TMEM217B: variants seen among roughly 807,000 people sequenced by gnomAD.
TMEM217B encodes the protein putative transmembrane protein 217B.
the TMEM217B span, chr6:37,218,192 C>G: frequency 9.0e-7 from 1 of 1,116,390 alleles, no homozygotes; most frequent in Non-Finnish European, 1.1e-6. Flanking sequence ...TTTTGGGGGA[C>G]AGAGTCTTAC....
chr6:37,254,339 C>G, the TMEM217B span, among the ~76,000 whole-genome samples: 178 of 152,300 alleles, frequency 1.2e-3, no homozygotes, highest in African/African-American at 3.9e-3. Context: ...AACCTCAAAC[C>G]AATGATTTAC....
At chr6:37,231,565 C>T in the TMEM217B span, among the ~76,000 whole-genome samples, 84 of 147,772 alleles carry the variant, frequency 5.7e-4, 1 homozygote, top group African/African-American at 1.4e-3. Context: ...CCCAGCTATT[C>T]GGGAGGCTGA....
chr6:37,233,637 T>C, the TMEM217B span, among the ~76,000 whole-genome samples: 1 of 152,186 alleles, frequency 6.6e-6, no homozygotes, highest in African/African-American at 2.4e-5. Flanking sequence ...AGTTCCAACA[T>C]ATGAATTTTG....
At chr6:37,213,120 G>A in the TMEM217B span, 1 of 693,766 alleles carries the variant, frequency 1.4e-6, no homozygotes, top group African/African-American at 1.8e-5. Context: ...CAGGCAATAG[G>A]CTGGAAGTTA....
chr6:37,245,527 T>C, the TMEM217B span, among the ~76,000 whole-genome samples: 5 of 152,284 alleles, frequency 3.3e-5, no homozygotes, highest in Non-Finnish European at 5.9e-5. Flanking sequence ...CACAGGAAGG[T>C]TGGGAAAATA....
At chr6:37,227,985 G>A in the TMEM217B span, among the ~76,000 whole-genome samples, 4 of 152,062 alleles carry the variant, frequency 2.6e-5, no homozygotes, top group African/African-American at 9.7e-5. Flanking sequence ...TCCATGTTAC[G>A]GAAAGTTTCA....
At chr6:37,234,880 G>C in the TMEM217B span, among the ~76,000 whole-genome samples, 64 of 152,104 alleles carry the variant, frequency 4.2e-4, no homozygotes, top group Admixed American at 1.4e-3. Context: ...AGAAATGCTG[G>C]TTTTATTATA....
the TMEM217B span, among the ~76,000 whole-genome samples, chr6:37,229,351 T>TTG: frequency 7.3e-6 from 1 of 136,428 alleles, no homozygotes; most frequent in African/African-American, 2.8e-5. Flanking sequence ...TTTTTTTTTT[T>TTG]TTTTTTTTTG....
the TMEM217B span, among the ~76,000 whole-genome samples, chr6:37,224,857 A>T: frequency 6.6e-6 from 1 of 152,064 alleles, no homozygotes; most frequent in Non-Finnish European, 1.5e-5. Flanking sequence ...TTGGCCATAC[A>T]TATATATGTG....
At chr6:37,235,559 G>A in the TMEM217B span, among the ~76,000 whole-genome samples, 1 of 152,050 alleles carries the variant, frequency 6.6e-6, no homozygotes. Flanking sequence ...GTAGAGATGG[G>A]GTTTCACCAT....
At chr6:37,256,891 C>T in the TMEM217B span, among the ~76,000 whole-genome samples, 1 of 152,098 alleles carries the variant, frequency 6.6e-6, no homozygotes, top group Non-Finnish European at 1.5e-5. Flanking sequence ...AAAACGCTGA[C>T]AAGACATTCA....
chr6:37,216,056 A>G, the TMEM217B span, among the ~76,000 whole-genome samples: 1 of 152,020 alleles, frequency 6.6e-6, no homozygotes, highest in South Asian at 2.1e-4. Flanking sequence ...ACAGACAGAC[A>G]TAATCAGATT....
At chr6:37,232,707 C>A in the TMEM217B span, among the ~76,000 whole-genome samples, 1 of 152,196 alleles carries the variant, frequency 6.6e-6, no homozygotes, top group East Asian at 1.9e-4. Context: ...AAGTATCTTT[C>A]CTCCTCTACC....
At chr6:37,219,109 G>T in the TMEM217B span, 1 of 1,382,880 alleles carries the variant, frequency 7.2e-7, no homozygotes, top group Non-Finnish European at 9.9e-7. Context: ...CAGGGTTTCT[G>T]CCTCCTTCCC....
At chr6:37,215,835 C>T in the TMEM217B span, among the ~76,000 whole-genome samples, 1 of 152,018 alleles carries the variant, frequency 6.6e-6, no homozygotes, top group African/African-American at 2.4e-5. Flanking sequence ...AAGGGGTAGG[C>T]ACAGGGATAG....
the TMEM217B span, chr6:37,218,167 A>C: frequency 8.7e-7 from 1 of 1,146,172 alleles, no homozygotes; most frequent in Non-Finnish European, 1.1e-6. Context: ...TAAAGCTGCT[A>C]ACTTTTTTTT....
chr6:37,220,300 T>C, the TMEM217B span, among the ~76,000 whole-genome samples: 1 of 152,208 alleles, frequency 6.6e-6, no homozygotes, highest in Non-Finnish European at 1.5e-5. Flanking sequence ...CTAGGCACAC[T>C]TGATTTCATT....
chr6:37,212,923 A>C, the TMEM217B span: 2 of 1,550,116 alleles, frequency 1.3e-6, no homozygotes, highest in Non-Finnish European at 1.7e-6. Flanking sequence ...GGTGGTATTA[A>C]GGACAGAGAA....
chr6:37,223,142 CATA>C, the TMEM217B span, among the ~76,000 whole-genome samples: 2 of 151,576 alleles, frequency 1.3e-5, no homozygotes, highest in East Asian at 1.9e-4. Context: ...ACATGAAAGA[CATA>C]ATAAGATGTT....
Sources: gnomAD v4.1 joint callset for allele counts (sites outside exome capture counted in the v4.1 genomes callset) on GRCh38, gnomAD v4.1.1 for gene constraint, MANE v1.5 for transcripts, NCBI Gene and HGNC (gene_info 2026-07-23, HGNC 2026-07-21) for gene names.